Variants in SLC24A2 observed in about 807,000 individuals in gnomAD.
SLC24A2 encodes the protein solute carrier family 24 member 2, also known as sodium/potassium/calcium exchanger 2.
A neutral mutation model predicts 62.0 loss-of-function variants in SLC24A2; 36 were observed. The observed-to-expected ratio is 0.58, with a 90% CI of 0.44 to 0.77. The LOEUF (loss-of-function observed/expected upper bound fraction) is 0.77. Ranked by LOEUF, SLC24A2 falls within the 30% of genes least tolerant of loss-of-function variation. The pLI, the probability that SLC24A2 is intolerant of heterozygous loss-of-function variation, is 0.00. For missense variants in SLC24A2, 846 were observed against 817.9 expected (o/e 1.03, Z -0.42); for synonymous variants, 358 against 294.0 (o/e 1.22, Z -2.23).
the SLC24A2 span, among the ~76,000 whole-genome samples, chr9:20,054,834 T>G: frequency 2.0e-5 from 3 of 152,198 alleles, no homozygotes; most frequent in African/African-American, 7.2e-5. Flanking sequence ...AGATACCCAG[T>G]AGATACAACA....
the SLC24A2 span, among the ~76,000 whole-genome samples, chr9:20,190,082 G>C: frequency 6.6e-6 from 1 of 152,146 alleles, no homozygotes; most frequent in Non-Finnish European, 1.5e-5. Context: ...GGTTCCCTGG[G>C]AGAGTTTGCA....
At chr9:20,295,827 A>G in the SLC24A2 span, among the ~76,000 whole-genome samples, 1 of 152,188 alleles carries the variant, frequency 6.6e-6, no homozygotes. Flanking sequence ...CAGGGTCTCC[A>G]GCTTACAGGT....
chr9:20,203,986 T>C, the SLC24A2 span, among the ~76,000 whole-genome samples: 3 of 152,116 alleles, frequency 2.0e-5, no homozygotes, highest in Non-Finnish European at 4.4e-5. Flanking sequence ...GTCACATTAC[T>C]CTCCTTAACT....
Position 19,514,381 on chromosome 9 carries a change from A to G in SLC24A2, c.*1772T>C, listed in dbSNP as rs1832848608. 1 of 152,222 alleles carries G rather than the reference A, an allele frequency of 6.6e-6. No individual in the cohort carries two copies. The highest frequency in any genetic ancestry group is 1.5e-5 in the Non-Finnish European group (1 of 68,038). 9.4% of individuals were successfully genotyped at this position (152,222 alleles called of 1,614,324 possible). A position where few individuals can be genotyped will look rare whatever the true frequency, so the allele number is the denominator to read the frequency against. ...AATTTCCCATATGCCATATGTACCAACTTAGACGTAGGATGGGTACAGAAT... is the reference window on the plus strand; with the variant it reads ...AATTTCCCATATGCCATATGTACCAGCTTAGACGTAGGATGGGTACAGAAT... On this transcript the variant is annotated 3_prime_UTR_variant, in exon 11 of 11. Coordinates refer to ENST00000341998, the MANE Select transcript of SLC24A2 (RefSeq NM_020344.4).
chr9:19,718,222 G>A (rs1820917018), intron 2 of SLC24A2, among the ~76,000 whole-genome samples: 1 of 148,762 alleles, frequency 6.7e-6, no homozygotes, highest in Non-Finnish European at 1.5e-5. Context: ...TGATCTGCCT[G>A]CCTTGGCCTC....
At chr9:19,571,802 T>C (rs1239028832) in intron 7 of SLC24A2, among the ~76,000 whole-genome samples, 1 of 152,222 alleles carries the variant, frequency 6.6e-6, no homozygotes, top group Admixed American at 6.5e-5. Flanking sequence ...TCCAGAAATC[T>C]AACAAGCACC....
the SLC24A2 span, among the ~76,000 whole-genome samples, chr9:20,144,938 T>C: frequency 0.83 from 125,673 of 152,054 alleles, 52,697 homozygotes; most frequent in East Asian, 0.9. Flanking sequence ...GCAATAATCC[T>C]GTCCTTCCAA....
the SLC24A2 span, among the ~76,000 whole-genome samples, chr9:20,101,053 C>T: frequency 5.9e-5 from 9 of 152,374 alleles, no homozygotes; most frequent in African/African-American, 1.7e-4. Context: ...TTCACCCCCA[C>T]ATCTTTCTGG....
the SLC24A2 span, among the ~76,000 whole-genome samples, chr9:20,158,343 T>C: frequency 6.6e-6 from 1 of 151,820 alleles, no homozygotes; most frequent in Non-Finnish European, 1.5e-5. Context: ...GTTTATGGGA[T>C]TAAGAAGCGG....
chr9:19,566,463 C>T (rs1406973052), intron 7 of SLC24A2, among the ~76,000 whole-genome samples: 2 of 149,696 alleles, frequency 1.3e-5, no homozygotes, highest in Admixed American at 6.7e-5. Context: ...CAGGAAACAA[C>T]AGGTGCTGGA....
At chr9:20,101,580 A>C in the SLC24A2 span, among the ~76,000 whole-genome samples, 1 of 152,154 alleles carries the variant, frequency 6.6e-6, no homozygotes, top group Non-Finnish European at 1.5e-5. Flanking sequence ...TACCTCTTGG[A>C]AGACTAAACT....
At chr9:20,303,097 TACTAA>T in the SLC24A2 span, among the ~76,000 whole-genome samples, 1 of 152,148 alleles carries the variant, frequency 6.6e-6, no homozygotes, top group South Asian at 2.1e-4. Flanking sequence ...AAATATTTTT[TACTAA>T]GATACATAGA....
chr9:19,588,259 A>T (rs1377406480), intron 5 of SLC24A2, among the ~76,000 whole-genome samples: 1 of 151,472 alleles, frequency 6.6e-6, no homozygotes, highest in African/African-American at 2.4e-5. Context: ...TCTGGTTATG[A>T]AAGTTTGAAC....
the SLC24A2 span, among the ~76,000 whole-genome samples, chr9:20,024,585 A>T: frequency 6.6e-6 from 1 of 151,834 alleles, no homozygotes; most frequent in Non-Finnish European, 1.5e-5. Context: ...AGATTATGTG[A>T]TTAGTTATGT....
intron 6 of SLC24A2, among the ~76,000 whole-genome samples, chr9:19,575,212 T>C (rs1325965115): frequency 6.6e-6 from 1 of 152,246 alleles, no homozygotes; most frequent in African/African-American, 2.4e-5. Flanking sequence ...CAGCGATACG[T>C]ATGTGATGTG....
At chr9:19,843,118 T>A in the SLC24A2 span, among the ~76,000 whole-genome samples, 1 of 152,252 alleles carries the variant, frequency 6.6e-6, no homozygotes, top group East Asian at 1.9e-4. Context: ...AAAATAAAGA[T>A]ATGCAGCCAG....
the SLC24A2 span, among the ~76,000 whole-genome samples, chr9:20,215,612 C>T: frequency 9.7e-3 from 1,482 of 152,270 alleles, 27 homozygotes; most frequent in African/African-American, 0.033. Context: ...ATACACTTAC[C>T]AATGTTATCG....
chr9:19,590,365 C>CTCTT (rs779044218), intron 5 of SLC24A2, among the ~76,000 whole-genome samples: 14 of 152,150 alleles, frequency 9.2e-5, no homozygotes, highest in South Asian at 2.1e-4. Context: ...TCTGAAAATT[C>CTCTT]TCTTTGTCTT....
At chr9:19,923,673 A>G in the SLC24A2 span, among the ~76,000 whole-genome samples, 1 of 152,246 alleles carries the variant, frequency 6.6e-6, no homozygotes, top group Non-Finnish European at 1.5e-5. Flanking sequence ...AGTTGTTGTC[A>G]CCTTTGGAGA....
Sources: allele counts gnomAD v4.1 joint callset (sites outside exome capture counted in the v4.1 genomes callset), GRCh38; gene constraint gnomAD v4.1.1; transcripts MANE v1.5; gene names NCBI Gene and HGNC (gene_info 2026-07-23, HGNC 2026-07-21).